Variants in PPP2R3A observed in about 807,000 individuals in gnomAD.
PPP2R3A encodes serine/threonine-protein phosphatase 2A regulatory subunit B'' subunit alpha.
Under a neutral mutation model 106.9 loss-of-function variants are expected in PPP2R3A, and 80 were observed. That is an observed-to-expected ratio of 0.75 (90% confidence interval 0.62 to 0.90). The LOEUF is 0.90. Among genes scored for constraint, PPP2R3A ranks in the 40% least tolerant of loss-of-function variants. PPP2R3A has a pLI of 0.00. For missense variants in PPP2R3A, 1,386 were observed against 1,350.4 expected, an observed-to-expected ratio of 1.03 and a Z score of -0.41; for synonymous variants, 483 against 468.3, an observed-to-expected ratio of 1.03 and a Z score of -0.41.
intron 13 of PPP2R3A, among the ~76,000 whole-genome samples, chr3:136,109,389 G>A (rs897281773): frequency 1.3e-5 from 2 of 152,032 alleles, no homozygotes; most frequent in African/African-American, 4.8e-5. Flanking sequence ...AAGGAATAAA[G>A]TCACTTATCA....
At chr3:136,053,800 G>A (rs1023674285) in intron 5 of PPP2R3A, among the ~76,000 whole-genome samples, 1 of 152,022 alleles carries the variant, frequency 6.6e-6, no homozygotes, top group African/African-American at 2.4e-5. Flanking sequence ...AGAACCCCGA[G>A]GCAGATTTGG....
chr3:135,982,440 A>G (rs1937550566), intron 1 of PPP2R3A, among the ~76,000 whole-genome samples: 1 of 152,170 alleles, frequency 6.6e-6, no homozygotes, highest in African/African-American at 2.4e-5. Flanking sequence ...TATACCCTTC[A>G]GGGCACTTGA....
intron 1 of PPP2R3A, among the ~76,000 whole-genome samples, chr3:135,980,992 A>G (rs1937533221): frequency 6.6e-6 from 1 of 151,900 alleles, no homozygotes; most frequent in Non-Finnish European, 1.5e-5. Context: ...CAGTACATGT[A>G]TGTCACTTTG....
Position 135,982,521 on chromosome 3 carries a change from G to C in PPP2R3A, c.-441+16672G>C, listed in dbSNP as rs149205743. Among the ~76,000 whole-genome samples, 525 of 152,214 alleles carry C rather than the reference G, an allele frequency of 3.4e-3. 4 individuals are homozygous for C. Among genetic ancestry groups the C allele is most frequent in the African/African-American group, 0.012 (487 of 41,520 alleles). ...CCTGACCCTAGAGTTGGACCTGTCAGCTCAGCCTCACATACCACATATATG... is the reference window on the plus strand; with the variant it reads ...CCTGACCCTAGAGTTGGACCTGTCACCTCAGCCTCACATACCACATATATG... On this transcript the variant is annotated intron_variant, in intron 1 of 13. Transcript: ENST00000264977.
chr3:136,087,114 G>C, intron 8 of PPP2R3A, among the ~76,000 whole-genome samples: 1 of 152,166 alleles, frequency 6.6e-6, no homozygotes, highest in Non-Finnish European at 1.5e-5. Flanking sequence ...TGAGGCAGGA[G>C]AATCACTTGA....
rs1377421074 is a variant in PPP2R3A, at chr3:136,002,005, G to A, written c.507G>A (p.Gly169=). Residue 169 remains glycine, a synonymous_variant, in exon 2 of 14, where the codon GGG becomes GGA. Transcript: ENST00000264977. ...DLLCGHYNND[G]NAPSFGLLRS... ...TTTGTGGCCATTATAACAACGATGGGAACGCCCCATCCTTTGGTTTACTGC... is the reference window on the plus strand; with the variant it reads ...TTTGTGGCCATTATAACAACGATGGAAACGCCCCATCCTTTGGTTTACTGC... The A allele has an allele frequency of 6.2e-7, 1 of 1,613,982 alleles. No individual in the cohort carries two copies. The highest frequency in any genetic ancestry group is 2.2e-5 in the East Asian group (1 of 44,880).
At chr3:136,121,958 G>A (rs1321346044) in intron 13 of PPP2R3A, among the ~76,000 whole-genome samples, 3 of 151,674 alleles carry the variant, frequency 2.0e-5, no homozygotes, top group Middle Eastern at 3.2e-3. Context: ...AATTCTGAAG[G>A]TTTAAAAATA....
chr3:135,993,895 A>G (rs766909992), intron 1 of PPP2R3A, among the ~76,000 whole-genome samples: 12 of 152,322 alleles, frequency 7.9e-5, no homozygotes, highest in Admixed American at 5.9e-4. Flanking sequence ...AGACTTACCT[A>G]CAGTAATAGA....
intron 11 of PPP2R3A, among the ~76,000 whole-genome samples, chr3:136,102,897 G>A (rs1197021393): frequency 1.3e-5 from 2 of 152,256 alleles, no homozygotes; most frequent in South Asian, 2.1e-4. Context: ...GAAAGCACAT[G>A]AGGAGAGATG....
intron 10 of PPP2R3A, among the ~76,000 whole-genome samples, chr3:136,097,170 C>A (rs968798123): frequency 1.3e-5 from 2 of 150,964 alleles, no homozygotes; most frequent in African/African-American, 2.4e-5. Flanking sequence ...CTTTTAGGCT[C>A]TGAGAAGATC....
At chr3:136,101,896 A>C in intron 10 of PPP2R3A, 111 bp from the exon 11 acceptor site, 1 of 1,146,446 alleles carries the variant, frequency 8.7e-7, no homozygotes, top group African/African-American at 1.6e-5. Context: ...AACTATATCT[A>C]AGCCTGAAGT....
chr3:136,003,014 C>A lies in PPP2R3A; in HGVS notation c.1516C>A (p.Gln506Lys), dbSNP rs745355019. 5.0e-6 allele frequency: 8 copies of A among 1,613,410 alleles called. No homozygotes were observed. The South Asian group carries it at 8.8e-5, about 18-fold the overall frequency. The part of the protein sequence containing the change: ...DQRDFTNSSS[Q>K]EEIDKLLMDL... ...GAGAGATTTTACAAATTCCAGTAGC[C>A]AGGAAGAGATAGATAAATTGTTAAT... The change falls in exon 2 of 14, where the codon CAG becomes AAG. Residue 506 changes from glutamine to lysine, a missense_variant. Transcript: ENST00000264977.
At chr3:136,066,844 A>G (rs780851350) in intron 5 of PPP2R3A, among the ~76,000 whole-genome samples, 2 of 152,196 alleles carry the variant, frequency 1.3e-5, no homozygotes, top group Admixed American at 6.5e-5. Context: ...ACAATTCAAC[A>G]TAAGATTTGC....
intron 3 of PPP2R3A, among the ~76,000 whole-genome samples, chr3:136,038,528 T>C (rs2107841615): frequency 6.6e-6 from 1 of 152,226 alleles, no homozygotes; most frequent in East Asian, 1.9e-4. Context: ...GATCAGGAAG[T>C]TAAAAGATTC....
At chr3:136,126,650 C>T (rs1053349654) in intron 13 of PPP2R3A, among the ~76,000 whole-genome samples, 2 of 152,226 alleles carry the variant, frequency 1.3e-5, no homozygotes, top group Admixed American at 1.3e-4. Context: ...TCTCCCAGCA[C>T]AGCATTTGAG....
chr3:136,029,053 A>G (rs956521669), intron 3 of PPP2R3A, among the ~76,000 whole-genome samples: 7 of 152,074 alleles, frequency 4.6e-5, no homozygotes, highest in Non-Finnish European at 1.0e-4. Flanking sequence ...GGGTTTCTCC[A>G]TGTTGGTCAG....
intron 2 of PPP2R3A, among the ~76,000 whole-genome samples, chr3:136,016,294 G>A (rs1362837933): frequency 6.6e-6 from 1 of 152,082 alleles, no homozygotes; most frequent in Non-Finnish European, 1.5e-5. Flanking sequence ...ATATTCTGCA[G>A]TTGTTGGGTA....
chr3:135,986,338 T>C (rs1017868378), intron 1 of PPP2R3A, among the ~76,000 whole-genome samples: 4 of 152,122 alleles, frequency 2.6e-5, no homozygotes, highest in Non-Finnish European at 5.9e-5. Context: ...CTCCCTTGCA[T>C]ACATCCTCAA....
chr3:136,130,783 A>C (rs1938382108), intron 13 of PPP2R3A, among the ~76,000 whole-genome samples: 1 of 152,242 alleles, frequency 6.6e-6, no homozygotes, highest in Non-Finnish European at 1.5e-5. Context: ...CAGTAACAAA[A>C]ACAGCATGAT....
Sources: allele counts gnomAD v4.1 joint callset (sites outside exome capture counted in the v4.1 genomes callset), GRCh38; gene constraint gnomAD v4.1.1; transcripts MANE v1.5; gene names NCBI Gene and HGNC (gene_info 2026-07-23, HGNC 2026-07-21).